RORA: variants seen among roughly 807,000 people sequenced by gnomAD.
RORA encodes the protein nuclear receptor ROR-alpha.
In RORA, 7 loss-of-function variants were observed where a neutral mutation model predicts 69.5. The observed-to-expected ratio is 0.10, with a 90% CI of 0.06 to 0.19. The LOEUF is 0.19. RORA is among the 10% of genes least tolerant of loss of function. The pLI, the probability that RORA is intolerant of heterozygous loss-of-function variation, is 1.00. For synonymous variants in RORA, 261 were observed against 240.8 expected, an observed-to-expected ratio of 1.08 and a Z score of -0.78; for missense variants, 457 against 663.0, an observed-to-expected ratio of 0.69 and a Z score of 3.41.
intron 2 of RORA, among the ~76,000 whole-genome samples, chr15:60,542,659 TCA>T (rs1270172190): frequency 2.1e-5 from 2 of 95,750 alleles, no homozygotes; most frequent in African/African-American, 5.4e-5. Context: ...CGGGCACACC[TCA>T]CACACATGGC....
At chr15:60,819,108 T>C (rs570791983) in intron 1 of RORA, among the ~76,000 whole-genome samples, 2 of 152,306 alleles carry the variant, frequency 1.3e-5, no homozygotes, top group East Asian at 3.9e-4. Context: ...CTCTGGGGCA[T>C]GAGATTAAAA....
intron 10 of RORA, among the ~76,000 whole-genome samples, chr15:60,499,129 A>G (rs893855922): frequency 9.9e-5 from 15 of 152,230 alleles, no homozygotes; most frequent in Non-Finnish European, 1.5e-4. Context: ...CAAAAATGCA[A>G]AAGTCATTTA....
intron 2 of RORA, among the ~76,000 whole-genome samples, chr15:60,653,023 C>A (rs763525515): frequency 1.2e-4 from 19 of 152,226 alleles, no homozygotes; most frequent in Non-Finnish European, 2.4e-4. Flanking sequence ...TTCATAATCA[C>A]CAGACTTCAG....
intron 1 of RORA, among the ~76,000 whole-genome samples, chr15:60,747,313 T>C (rs1329021016): frequency 6.6e-6 from 1 of 152,210 alleles, no homozygotes; most frequent in Non-Finnish European, 1.5e-5. Context: ...CAATGCTTCT[T>C]ATCCACCAGC....
chr15:61,145,146 C>G (rs1041055286), intron 1 of RORA, among the ~76,000 whole-genome samples: 1 of 152,112 alleles, frequency 6.6e-6, no homozygotes, highest in Non-Finnish European at 1.5e-5. Context: ...GATATCTGTA[C>G]AAAGATTTTA....
At chr15:60,967,246 T>C (rs889069680) in intron 1 of RORA, among the ~76,000 whole-genome samples, 1 of 152,262 alleles carries the variant, frequency 6.6e-6, no homozygotes, top group Non-Finnish European at 1.5e-5. Flanking sequence ...TATATATTTA[T>C]GCATTGACAG....
At chr15:61,125,258 G>A (rs1173363709) in intron 1 of RORA, among the ~76,000 whole-genome samples, 2 of 152,144 alleles carry the variant, frequency 1.3e-5, no homozygotes, top group Admixed American at 6.5e-5. Flanking sequence ...ACTAAAAAAC[G>A]TGACACTGAA....
chr15:60,889,356 G>T (rs1047236043), intron 1 of RORA, among the ~76,000 whole-genome samples: 23 of 146,994 alleles, frequency 1.6e-4, no homozygotes, highest in African/African-American at 3.4e-4. Flanking sequence ...GGGGCGGGGG[G>T]GGGGGGAAGG....
intron 1 of RORA, among the ~76,000 whole-genome samples, chr15:60,919,488 G>C (rs12324722): frequency 0.33 from 50,689 of 152,232 alleles, 9,005 homozygotes; most frequent in Non-Finnish European, 0.41. Flanking sequence ...ATTGAGACTA[G>C]GCTACTATAG....
At chr15:61,170,775 G>GCA (rs2079578254) in intron 1 of RORA, among the ~76,000 whole-genome samples, 1 of 152,150 alleles carries the variant, frequency 6.6e-6, no homozygotes, top group Admixed American at 6.5e-5. Context: ...TTAATGCTTA[G>GCA]TTAGGTAAAG....
intron 1 of RORA, among the ~76,000 whole-genome samples, chr15:61,189,596 A>G (rs4133548): frequency 0.97 from 147,910 of 152,174 alleles, 72,029 homozygotes; most frequent in East Asian, 1. Flanking sequence ...GGTGGCTCAC[A>G]CCTGTAATCC....
rs150786445 is a variant in RORA, at chr15:60,883,605, A to T, written c.167-204919T>A. Among the ~76,000 whole-genome samples the T allele has an allele frequency of 2.0e-3, 301 of 152,334 alleles. 1 individual carries two copies. The highest frequency in any genetic ancestry group is 0.01 in the Middle Eastern group (3 of 294). Reference sequence around the variant, plus strand: ...GTAGGTATGTAATAATTATTGTTGAATGATTAAAATGAATAAATGAATATA... The same window carrying T: ...GTAGGTATGTAATAATTATTGTTGATTGATTAAAATGAATAAATGAATATA... On this transcript the variant is annotated intron_variant, in intron 1 of 10. Transcript: ENST00000335670.
rs112091070 is a variant in RORA, at chr15:60,634,558, C to T, written c.196+44099G>A. ...TAGCTGGGACTACAGGCGCCCGCCA[C>T]CACGCCCGGCTAATTTTTGTGTTTT... On this transcript the variant is annotated intron_variant, in intron 2 of 10. Coordinates refer to ENST00000335670, the MANE Select transcript of RORA (RefSeq NM_134261.3). Among the ~76,000 whole-genome samples the T allele has an allele frequency of 2.5e-3, 372 of 151,518 alleles. 1 individual carries two copies. The highest frequency in any genetic ancestry group is 0.017 in the East Asian group (89 of 5,172).
At chr15:61,149,897 C>G (rs907706635) in intron 1 of RORA, among the ~76,000 whole-genome samples, 1 of 152,168 alleles carries the variant, frequency 6.6e-6, no homozygotes, top group Non-Finnish European at 1.5e-5. Context: ...AAGGAAAGAA[C>G]AGATATCGGA....
At chr15:61,105,747 G>A (rs2078942380) in intron 1 of RORA, among the ~76,000 whole-genome samples, 1 of 152,158 alleles carries the variant, frequency 6.6e-6, no homozygotes, top group African/African-American at 2.4e-5. Flanking sequence ...ATGTGACCTT[G>A]ACCAAGCCAC....
intron 1 of RORA, among the ~76,000 whole-genome samples, chr15:61,006,125 T>C (rs1894907778): frequency 6.6e-6 from 1 of 152,022 alleles, no homozygotes. Flanking sequence ...GGCGCCACCA[T>C]GCCCAGCTAA....
chr15:60,668,132 T>TAC (rs2070407314), intron 2 of RORA, among the ~76,000 whole-genome samples: 1 of 152,168 alleles, frequency 6.6e-6, no homozygotes, highest in East Asian at 1.9e-4. Flanking sequence ...GGGGAAGCCC[T>TAC]ACAGCCTTGT....
intron 1 of RORA, among the ~76,000 whole-genome samples, chr15:60,754,976 C>T (rs974072235): frequency 4.9e-5 from 7 of 143,586 alleles, no homozygotes; most frequent in African/African-American, 1.9e-4. Context: ...AAGATGAGAG[C>T]TGAGTCTTTT....
intron 1 of RORA, among the ~76,000 whole-genome samples, chr15:61,191,438 T>G (rs2079799299): frequency 6.6e-6 from 1 of 151,358 alleles, no homozygotes; most frequent in African/African-American, 2.4e-5. Context: ...AAATGTGAAA[T>G]GGGAAGATGA....
Sources: gnomAD v4.1 joint callset for allele counts (sites outside exome capture counted in the v4.1 genomes callset) on GRCh38, gnomAD v4.1.1 for gene constraint, MANE v1.5 for transcripts, NCBI Gene and HGNC (gene_info 2026-07-23, HGNC 2026-07-21) for gene names.